ARID5B: variants seen among roughly 807,000 people sequenced by gnomAD.
ARID5B encodes the protein AT-rich interactive domain-containing protein 5B.
In ARID5B, 13 loss-of-function variants were observed where a neutral mutation model predicts 97.2. That is an observed-to-expected ratio of 0.13 (90% CI 0.09 to 0.21). The LOEUF (loss-of-function observed/expected upper bound fraction) is 0.21. Ranked by LOEUF, ARID5B falls within the 10% of genes least tolerant of loss-of-function variation. The pLI is 1.00. For missense variants in ARID5B, 1,210 were observed against 1,465.3 expected, an observed-to-expected ratio of 0.83 and a Z score of 2.84; for synonymous variants, 556 against 570.3, an observed-to-expected ratio of 0.97 and a Z score of 0.36.
chr10:62,004,687 AACAAAC>A (rs1388814118), intron 4 of ARID5B, among the ~76,000 whole-genome samples: 6 of 152,214 alleles, frequency 3.9e-5, no homozygotes, highest in Non-Finnish European at 7.4e-5. Context: ...CAATAGAAAA[AACAAAC>A]ACATACAAAC....
At position 62,050,969 on chromosome 10, in the gene ARID5B, A is replaced by G; in HGVS notation, c.815A>G (p.Asn272Ser). The G allele has an allele frequency of 6.2e-7, 1 of 1,613,934 alleles. No homozygotes were observed. The highest frequency in any genetic ancestry group is 8.5e-7 in the Non-Finnish European group (1 of 1,179,838). The change falls in exon 5 of 10, where the codon AAC (asparagine) becomes AGC (serine). Residue 272 changes from asparagine (N) to serine (S), a missense_variant. Physicochemically the swap from Asn to Ser is conservative, Grantham distance 46. Transcript: ENST00000279873. ...TCATTCAGTGGTGTTAAGGATTCCA[A>G]CAACAATTCCGATGGCAAAGCCGTT... The part of the protein sequence containing the change: ...RDSFSGVKDS[N>S]NNSDGKAVAK...
intron 3 of ARID5B, among the ~76,000 whole-genome samples, chr10:61,961,485 C>G (rs149853581): frequency 6.6e-6 from 1 of 152,112 alleles, no homozygotes; most frequent in Non-Finnish European, 1.5e-5. Flanking sequence ...GGGTTGGAAC[C>G]GGTTGCGCTG....
intron 2 of ARID5B, among the ~76,000 whole-genome samples, chr10:61,935,011 TAAA>T (rs764799101): frequency 1.6e-5 from 2 of 127,044 alleles, no homozygotes; most frequent in Non-Finnish European, 3.4e-5. Flanking sequence ...AGACTCTGAT[TAAA>T]AAAAAAAAAA....
intron 5 of ARID5B, among the ~76,000 whole-genome samples, chr10:62,056,271 C>T (rs1309259168): frequency 6.6e-6 from 1 of 152,120 alleles, no homozygotes; most frequent in Non-Finnish European, 1.5e-5. Flanking sequence ...GAGCTTTATA[C>T]TCACTCTTCT....
chr10:62,053,534 G>C (rs1388776635), intron 5 of ARID5B, among the ~76,000 whole-genome samples: 2 of 152,180 alleles, frequency 1.3e-5, no homozygotes, highest in East Asian at 3.9e-4. Context: ...TCATGACTGT[G>C]TTCAGCCCAA....
intron 4 of ARID5B, chr10:62,024,985 T>A (rs946928003): frequency 4.1e-6 from 1 of 242,594 alleles, no homozygotes; most frequent in Non-Finnish European, 7.9e-6. Context: ...AGGTTAAGTA[T>A]AATTCGTTTT....
intron 4 of ARID5B, among the ~76,000 whole-genome samples, chr10:62,010,094 G>T (rs1271957526): frequency 6.6e-6 from 1 of 152,186 alleles, no homozygotes; most frequent in Non-Finnish European, 1.5e-5. Flanking sequence ...CCCCCATCAT[G>T]GTTAGAACCC....
chr10:61,938,443 T>A (rs977538697), intron 2 of ARID5B, among the ~76,000 whole-genome samples: 22 of 152,224 alleles, frequency 1.4e-4, no homozygotes, highest in African/African-American at 1.7e-4. Context: ...TAAACTTGAT[T>A]TCTGGTGTCA....
At position 62,092,587 on chromosome 10, in the gene ARID5B, G is replaced by A. The variant is rs1340750457; in HGVS notation, c.3124G>A (p.Gly1042Arg). ...SPLDPSKEVS[G>R]KEKASEQESE... ...CTTAGACCCATCCAAGGAGGTCTCT[G>A]GGAAGGAGAAGGCCTCTGAGCAGGA... Residue 1042 changes from glycine to arginine, a missense_variant, in exon 10 of 10, where the codon GGG becomes AGG. Gly to Arg is a moderately radical substitution (Grantham distance 125). Around this residue, in one of 8 missense-constraint regions of ARID5B, gnomAD observed 800 missense variants for 839.1 expected, o/e 0.95. Transcript: ENST00000279873. The A allele has an allele frequency of 6.2e-7, 1 of 1,614,094 alleles. No individual in the cohort carries two copies. Among genetic ancestry groups the A allele is most frequent in the Non-Finnish European group, 8.5e-7 (1 of 1,180,032 alleles).
At chr10:62,026,422 G>A (rs1411739496) in intron 4 of ARID5B, among the ~76,000 whole-genome samples, 2 of 152,182 alleles carry the variant, frequency 1.3e-5, no homozygotes, top group Non-Finnish European at 2.9e-5. Context: ...GTACAATAAA[G>A]AACACAATCC....
intron 3 of ARID5B, among the ~76,000 whole-genome samples, chr10:61,951,917 A>G (rs1283380482): frequency 6.6e-6 from 1 of 152,174 alleles, no homozygotes; most frequent in African/African-American, 2.4e-5. Flanking sequence ...CAGCTGCTGA[A>G]TATTTCATTA....
chr10:61,925,591 T>C (rs1289199999), intron 2 of ARID5B, among the ~76,000 whole-genome samples: 1 of 152,172 alleles, frequency 6.6e-6, no homozygotes, highest in Non-Finnish European at 1.5e-5. Context: ...TGTAGGACAC[T>C]GGGATGCAAT....
intron 3 of ARID5B, among the ~76,000 whole-genome samples, chr10:61,942,101 G>T (rs1844420820): frequency 2.6e-5 from 4 of 151,598 alleles, no homozygotes; most frequent in African/African-American, 9.7e-5. Flanking sequence ...TGTGTAGATG[G>T]TTAAGCTTGA....
At chr10:62,047,589 C>G (rs1443804563) in intron 4 of ARID5B, among the ~76,000 whole-genome samples, 1 of 152,118 alleles carries the variant, frequency 6.6e-6, no homozygotes, top group Non-Finnish European at 1.5e-5. Flanking sequence ...GATTTAGGTT[C>G]TGTCAGTAAG....
intron 3 of ARID5B, among the ~76,000 whole-genome samples, chr10:61,958,289 G>T (rs1452154130): frequency 6.6e-6 from 1 of 152,064 alleles, no homozygotes; most frequent in East Asian, 1.9e-4. Flanking sequence ...TTGTGGATTG[G>T]TGTGATCTCA....
intron 2 of ARID5B, among the ~76,000 whole-genome samples, chr10:61,926,555 G>C (rs1429304979): frequency 1.3e-5 from 2 of 152,046 alleles, no homozygotes; most frequent in Non-Finnish European, 2.9e-5. Flanking sequence ...TTGAGAGCTG[G>C]GGAGGATGAG....
intron 3 of ARID5B, among the ~76,000 whole-genome samples, chr10:61,991,669 A>C (rs1276417386): frequency 6.6e-6 from 1 of 152,074 alleles, no homozygotes; most frequent in Non-Finnish European, 1.5e-5. Context: ...AAAGCTTTTA[A>C]TTTTGATGAA....
At chr10:61,984,012 C>G (rs1838814195) in intron 3 of ARID5B, among the ~76,000 whole-genome samples, 1 of 24,200 alleles carries the variant, frequency 4.1e-5, no homozygotes, top group Admixed American at 2.8e-4. Flanking sequence ...CTCAGCCTCC[C>G]GAGTAGCTGG....
intron 3 of ARID5B, among the ~76,000 whole-genome samples, chr10:61,994,702 T>A (rs1168100721): frequency 6.6e-6 from 1 of 152,198 alleles, no homozygotes; most frequent in Non-Finnish European, 1.5e-5. Context: ...CATGTTATAA[T>A]TACAGTTTCG....
Sources: allele counts gnomAD v4.1 joint callset (sites outside exome capture counted in the v4.1 genomes callset), GRCh38; gene constraint gnomAD v4.1.1; regional missense constraint gnomAD v4.1.1; transcripts MANE v1.5; gene names NCBI Gene and HGNC (gene_info 2026-07-23, HGNC 2026-07-21).